CTNNA2: variants seen among roughly 807,000 people sequenced by gnomAD.
CTNNA2 encodes catenin alpha 2, also known as catenin alpha-2.
In CTNNA2, 42 loss-of-function variants were observed where a neutral mutation model predicts 101.0. That is an observed-to-expected ratio of 0.42 (90% CI 0.32 to 0.54). The LOEUF (loss-of-function observed/expected upper bound fraction) is 0.54. Among genes scored for constraint, CTNNA2 ranks in the 20% least tolerant of loss-of-function variants. The pLI, the probability that CTNNA2 is intolerant of heterozygous loss-of-function variation, is 0.14. For missense variants in CTNNA2, 871 were observed against 1,223.1 expected (o/e 0.71, Z 4.29); for synonymous variants, 450 against 456.4 (o/e 0.99, Z 0.18).
intron 2 of CTNNA2, among the ~76,000 whole-genome samples, chr2:79,244,814 G>T (rs990680702): frequency 2.0e-5 from 3 of 152,194 alleles, no homozygotes; most frequent in African/African-American, 7.2e-5. Context: ...AAGAAATCAG[G>T]CAGTGCACAG....
chr2:79,389,850 C>T (rs1309910333), intron 4 of CTNNA2, among the ~76,000 whole-genome samples: 2 of 152,064 alleles, frequency 1.3e-5, no homozygotes, highest in Admixed American at 1.3e-4. Context: ...GGATAATAAT[C>T]AATGGTATGC....
intron 7 of CTNNA2, among the ~76,000 whole-genome samples, chr2:80,129,567 C>G (rs1238774603): frequency 6.6e-6 from 1 of 152,150 alleles, no homozygotes; most frequent in African/African-American, 2.4e-5. Context: ...TTCAGTTACC[C>G]AATTAACTCA....
chr2:80,417,443 T>C (rs1217698595), intron 8 of CTNNA2, among the ~76,000 whole-genome samples: 1 of 151,854 alleles, frequency 6.6e-6, no homozygotes, highest in Non-Finnish European at 1.5e-5. Context: ...TATTGACTTT[T>C]CTTTGCCTAT....
At chr2:80,137,403 G>C (rs1275138239) in intron 7 of CTNNA2, among the ~76,000 whole-genome samples, 2 of 152,088 alleles carry the variant, frequency 1.3e-5, no homozygotes, top group Non-Finnish European at 2.9e-5. Context: ...CCTGTCAAAG[G>C]TGGTAATAAA....
intron 1 of CTNNA2, among the ~76,000 whole-genome samples, chr2:79,549,379 C>G (rs1298401398): frequency 6.6e-6 from 1 of 152,180 alleles, no homozygotes; most frequent in Non-Finnish European, 1.5e-5. Context: ...CCTTGCTCAT[C>G]TGGTCCAATT....
chr2:80,341,001 C>T (rs938525856), intron 7 of CTNNA2, among the ~76,000 whole-genome samples: 1 of 152,018 alleles, frequency 6.6e-6, no homozygotes, highest in African/African-American at 2.4e-5. Context: ...ATAAAGGAAA[C>T]AAATGAACAG....
intron 2 of CTNNA2, among the ~76,000 whole-genome samples, chr2:79,298,841 T>C (rs1676041747): frequency 6.6e-6 from 1 of 152,176 alleles, no homozygotes; most frequent in South Asian, 2.1e-4. Flanking sequence ...TCAAATATGT[T>C]CCCCACAAAT....
chr2:79,875,618 A>G (rs1408370118), intron 6 of CTNNA2, among the ~76,000 whole-genome samples: 1 of 152,152 alleles, frequency 6.6e-6, no homozygotes, highest in Non-Finnish European at 1.5e-5. Flanking sequence ...ACTGAGGAAT[A>G]ATTTTAACAG....
chr2:79,416,151 G>C (rs184856719), intron 4 of CTNNA2, among the ~76,000 whole-genome samples: 1 of 151,298 alleles, frequency 6.6e-6, no homozygotes, highest in African/African-American at 2.4e-5. Flanking sequence ...CTTCCTCAAT[G>C]TACTGACTTT....
intron 7 of CTNNA2, among the ~76,000 whole-genome samples, chr2:80,110,982 G>A (rs377045291): frequency 2.0e-5 from 3 of 152,116 alleles, no homozygotes; most frequent in South Asian, 2.1e-4. Flanking sequence ...ACTTATGATC[G>A]TGGTGGAAGG....
chr2:80,469,883 A>G (rs555976666), intron 9 of CTNNA2, among the ~76,000 whole-genome samples: 36 of 152,270 alleles, frequency 2.4e-4, no homozygotes, highest in Non-Finnish European at 4.1e-4. Context: ...TTTGGCTTCA[A>G]AATATTTTTT....
intron 2 of CTNNA2, among the ~76,000 whole-genome samples, chr2:79,731,804 G>A (rs1687212313): frequency 6.7e-6 from 1 of 148,184 alleles, no homozygotes. Context: ...TTGAGAAAGT[G>A]GCAGGAAAAT....
At chr2:80,320,386 A>T (rs904523876) in intron 7 of CTNNA2, among the ~76,000 whole-genome samples, 2 of 152,216 alleles carry the variant, frequency 1.3e-5, no homozygotes, top group Non-Finnish European at 2.9e-5. Flanking sequence ...CTTAATGTTT[A>T]ACCCACCTCT....
intron 7 of CTNNA2, among the ~76,000 whole-genome samples, chr2:80,058,871 C>G (rs922266680): frequency 6.6e-6 from 1 of 152,138 alleles, no homozygotes; most frequent in Non-Finnish European, 1.5e-5. Context: ...TAAAAAAACA[C>G]TGATAAATGT....
chr2:80,356,523 A>T (rs758333710), intron 7 of CTNNA2, among the ~76,000 whole-genome samples: 7 of 152,170 alleles, frequency 4.6e-5, no homozygotes, highest in Non-Finnish European at 8.8e-5. Context: ...TAGGCCAGCC[A>T]CTGTCCTGGC....
At chr2:79,477,168 C>CTTTTTTTTTTT (rs5832392) in intron 4 of CTNNA2, among the ~76,000 whole-genome samples, 26 of 123,140 alleles carry the variant, frequency 2.1e-4, no homozygotes, top group South Asian at 5.0e-4. Context: ...TCTTTTTTTT[C>CTTTTTTTTTTT]TTTTTTTTTT....
chr2:79,893,475 C>A (rs980757490), intron 6 of CTNNA2, among the ~76,000 whole-genome samples: 4 of 151,840 alleles, frequency 2.6e-5, no homozygotes, highest in Admixed American at 1.3e-4. Context: ...GTTACTTTAA[C>A]AAAATGTATG....
intron 3 of CTNNA2, among the ~76,000 whole-genome samples, chr2:79,782,141 AATT>A (rs527304620): frequency 3.9e-5 from 6 of 152,290 alleles, no homozygotes; most frequent in African/African-American, 1.4e-4. Context: ...TATTTACAAT[AATT>A]ATGTTTAATT....
In CTNNA2 at chr2:79,536,574, A is replaced by AGTATGTGTGT. The variant is rs34403615; in HGVS notation, c.-6+23369_-6+23370insATGTGTGTGT. ...ATATACACCTAAATATCTCTAAAGA[A>AGTATGTGTGT]GTGTGTGTGTGTGTGTGTGTGTGTG... On this transcript the variant is annotated intron_variant, in intron 1 of 18. Transcript: ENST00000402739. 9.6e-4 allele frequency among the ~76,000 whole-genome samples: 141 copies of AGTATGTGTGT among 146,796 alleles called. 1 individual carries two copies. The highest frequency in any genetic ancestry group is 2.5e-3 in the African/African-American group (98 of 39,810).
Sources: allele counts gnomAD v4.1 joint callset (sites outside exome capture counted in the v4.1 genomes callset), GRCh38; gene constraint gnomAD v4.1.1; transcripts MANE v1.5; gene names NCBI Gene and HGNC (gene_info 2026-07-23, HGNC 2026-07-21).